The following PDE4D variants were observed in gnomAD, a reference collection of about 807,000 sequenced individuals.
The protein encoded by PDE4D is 3',5'-cyclic-AMP phosphodiesterase 4D.
In PDE4D, 24 loss-of-function variants were observed where a neutral mutation model predicts 87.4. The ratio of observed to expected loss-of-function variants is 0.27; its 90% confidence interval spans 0.20 to 0.39. The LOEUF (loss-of-function observed/expected upper bound fraction) is 0.39, where lower values mean the gene tolerates loss of function less well. Among genes scored for constraint, PDE4D ranks in the 10% least tolerant of loss-of-function variants. The probability of loss-of-function intolerance (pLI) is 1.00; values close to 1 mark genes in which losing one functional copy is unlikely to be tolerated. For missense variants in PDE4D, 714 were observed against 1,041.0 expected (o/e 0.69, Z 4.32); for synonymous variants, 384 against 383.2 (o/e 1.00, Z -0.02).
intron 1 of PDE4D, among the ~76,000 whole-genome samples, chr5:60,413,308 CA>C (rs1742194631): frequency 6.6e-6 from 1 of 152,142 alleles, no homozygotes; most frequent in African/African-American, 2.4e-5. Flanking sequence ...GGTATATTGT[CA>C]GGTCTGTTTT....
In PDE4D at chr5:59,368,826, C is replaced by T. The variant is rs188484844; in HGVS notation, c.456-152858G>A. 1.4e-3 allele frequency among the ~76,000 whole-genome samples: 207 copies of T among 152,306 alleles called. 1 individual carries two copies. The highest frequency in any genetic ancestry group is 4.7e-3 in the African/African-American group (194 of 41,580). ...CTATGTATTTATTGAGGAGCTCATT[C>T]ATTGCTACTCACTTTCCTAACCAAA... On this transcript the variant is annotated intron_variant, in intron 1 of 14. Coordinates refer to ENST00000340635, the MANE Select transcript of PDE4D (RefSeq NM_001104631.2).
intron 1 of PDE4D, among the ~76,000 whole-genome samples, chr5:59,503,752 A>G (rs911600784): frequency 7.2e-5 from 11 of 152,144 alleles, no homozygotes; most frequent in Non-Finnish European, 1.5e-4. Flanking sequence ...AGCCCACCTG[A>G]AATAGAAGGT....
intron 1 of PDE4D, chr5:59,586,848 C>T (rs1561272001): frequency 1.0e-6 from 1 of 985,476 alleles, no homozygotes; most frequent in Non-Finnish European, 1.2e-6. Context: ...CTTTGCCATG[C>T]TGTCCTTTAG....
chr5:58,992,424 A>T (rs1416062122), intron 7 of PDE4D, among the ~76,000 whole-genome samples: 1 of 152,176 alleles, frequency 6.6e-6, no homozygotes, highest in Non-Finnish European at 1.5e-5. Context: ...ATACTTTGAA[A>T]TGGTAGAAAC....
Position 58,974,442 on chromosome 5 carries a change from A to C in PDE4D, c.*222T>G. 1 of 371,210 alleles carries C rather than the reference A, an allele frequency of 2.7e-6. No homozygotes were observed. Among genetic ancestry groups the C allele is most frequent in the Non-Finnish European group, 4.8e-6 (1 of 207,742 alleles). 23.0% of individuals were successfully genotyped at this position (371,210 alleles called of 1,614,324 possible). On this transcript the variant is annotated 3_prime_UTR_variant, in exon 15 of 15. Coordinates refer to ENST00000340635, the MANE Select transcript of PDE4D (RefSeq NM_001104631.2). ...CTCTACCAAGCTGAAATCTTGTTAA[A>C]AACGCTGTTCGTGAAGATGTCCACC...
At chr5:60,082,516 C>T (rs1774066166) in intron 2 of PDE4D, among the ~76,000 whole-genome samples, 1 of 152,198 alleles carries the variant, frequency 6.6e-6, no homozygotes, top group South Asian at 2.1e-4. Context: ...TAGGGCCCAG[C>T]ACCATTTTTC....
chr5:59,987,960 A>G (rs1214686412), intron 3 of PDE4D: 1 of 152,436 alleles, frequency 6.6e-6, no homozygotes, highest in Admixed American at 6.5e-5. Context: ...GCTAAATAAA[A>G]TCACCTTATA....
At chr5:59,077,400 A>T (rs1765863815) in intron 5 of PDE4D, among the ~76,000 whole-genome samples, 1 of 152,112 alleles carries the variant, frequency 6.6e-6, no homozygotes, top group South Asian at 2.1e-4. Flanking sequence ...GAATTGTAAA[A>T]GAGATTTGCA....
At chr5:59,719,178 T>C (rs1297545966) in intron 1 of PDE4D, among the ~76,000 whole-genome samples, 1 of 151,752 alleles carries the variant, frequency 6.6e-6, no homozygotes, top group African/African-American at 2.4e-5. Context: ...ATTGGTATGC[T>C]GGTAAATATT....
At chr5:59,444,120 G>T (rs1343316858) in intron 1 of PDE4D, among the ~76,000 whole-genome samples, 7 of 152,164 alleles carry the variant, frequency 4.6e-5, no homozygotes, top group African/African-American at 1.7e-4. Flanking sequence ...TGAATACTTA[G>T]AAGATCATGA....
At chr5:60,291,538 G>A (rs966534947) in intron 1 of PDE4D, among the ~76,000 whole-genome samples, 2 of 151,602 alleles carry the variant, frequency 1.3e-5, no homozygotes, top group Admixed American at 1.3e-4. Context: ...CAAATATAAC[G>A]TTTTTAGAGA....
chr5:59,520,195 A>C (rs575028813), intron 1 of PDE4D, among the ~76,000 whole-genome samples: 184 of 152,136 alleles, frequency 1.2e-3, no homozygotes, highest in Non-Finnish European at 2.3e-3. Flanking sequence ...CCTGGGAGGC[A>C]GAGGTTATGG....
intron 2 of PDE4D, among the ~76,000 whole-genome samples, chr5:60,052,357 A>G (rs1770270309): frequency 6.6e-6 from 1 of 152,234 alleles, no homozygotes; most frequent in Non-Finnish European, 1.5e-5. Context: ...GGTCAGCTTC[A>G]TCCCTGGGAT....
chr5:59,425,753 G>A (rs968809206), intron 1 of PDE4D, among the ~76,000 whole-genome samples: 1 of 152,146 alleles, frequency 6.6e-6, no homozygotes, highest in African/African-American at 2.4e-5. Context: ...CCTCCCTCGT[G>A]CAGGTTCATG....
intron 1 of PDE4D, chr5:59,314,620 T>C (rs1243105268): frequency 6.6e-6 from 1 of 152,088 alleles, no homozygotes; most frequent in Non-Finnish European, 1.5e-5. Flanking sequence ...CTATTGCACT[T>C]GTGTCAACAA....
At chr5:60,400,792 C>T (rs760675734) in intron 1 of PDE4D, among the ~76,000 whole-genome samples, 5 of 151,784 alleles carry the variant, frequency 3.3e-5, no homozygotes, top group Non-Finnish European at 7.4e-5. Flanking sequence ...ATTAGCCGGG[C>T]GTGGTGGCAG....
intron 1 of PDE4D, among the ~76,000 whole-genome samples, chr5:59,441,376 C>T (rs1260710767): frequency 2.6e-5 from 4 of 152,180 alleles, no homozygotes; most frequent in Non-Finnish European, 5.9e-5. Flanking sequence ...CGATTACAGG[C>T]GTGAGCCACT....
intron 1 of PDE4D, among the ~76,000 whole-genome samples, chr5:60,247,662 C>T (rs1404714126): frequency 6.6e-6 from 1 of 151,944 alleles, no homozygotes; most frequent in Non-Finnish European, 1.5e-5. Flanking sequence ...TCTGGATTCC[C>T]TCTGAAGCCC....
intron 1 of PDE4D, among the ~76,000 whole-genome samples, chr5:59,718,070 G>A (rs548350601): frequency 2.6e-5 from 4 of 152,182 alleles, no homozygotes; most frequent in Non-Finnish European, 4.4e-5. Flanking sequence ...CTCCATTTTC[G>A]AGAGGTCTGA....
Sources: allele counts gnomAD v4.1 joint callset (sites outside exome capture counted in the v4.1 genomes callset), GRCh38; gene constraint gnomAD v4.1.1; transcripts MANE v1.5; gene names NCBI Gene and HGNC (gene_info 2026-07-23, HGNC 2026-07-21).